FBXL18: variants seen among roughly 807,000 people sequenced by gnomAD.
FBXL18 encodes F-box/LRR-repeat protein 18.
FBXL18 carries 36 observed loss-of-function variants against 46.0 expected under a neutral mutation model. The ratio of observed to expected loss-of-function variants is 0.78; its 90% confidence interval spans 0.60 to 1.03. The LOEUF (loss-of-function observed/expected upper bound fraction) is 1.03, where lower values mean the gene tolerates loss of function less well. FBXL18 is among the 50% of genes least tolerant of loss of function. The pLI, the probability that FBXL18 is intolerant of heterozygous loss-of-function variation, is 0.00. For synonymous variants in FBXL18, 557 were observed against 465.3 expected (o/e 1.20, Z -2.54); for missense variants, 977 against 1,004.1 (o/e 0.97, Z 0.36).
chr7:5,495,713 G>A (rs1273954662), intron 3 of FBXL18: 12 of 401,154 alleles, frequency 3.0e-5, no homozygotes, highest in East Asian at 8.6e-5. Context: ...TCCCAGCGCC[G>A]TTTCCTCTGC....
rs769223134 is a variant in FBXL18 at position 5,501,527 on chromosome 7, G to C, written c.742C>G (p.Arg248Gly). The change falls in exon 3 of 5, where the codon CGG (arginine) becomes GGG (glycine). Residue 248 changes from arginine (R) to glycine (G), a missense_variant. Coordinates refer to ENST00000382368, the MANE Select transcript of FBXL18 (RefSeq NM_024963.6). ...APGYINQEVVRLYLAVLSDRT... is the reference protein window; with the variant it reads ...APGYINQEVVGLYLAVLSDRT... ...TCGCTAAGCACAGCCAGGTAGAGCC[G>C]CACCACCTCCTGGTTGATGTAGCCG... 1 of 1,613,710 alleles carries C rather than the reference G, an allele frequency of 6.2e-7. No individual in the cohort carries two copies. Among genetic ancestry groups the C allele is most frequent in the South Asian group, 1.1e-5 (1 of 91,084 alleles).
intron 1 of FBXL18, among the ~76,000 whole-genome samples, chr7:5,512,592 G>A (rs1478364426): frequency 6.6e-6 from 1 of 152,156 alleles, no homozygotes; most frequent in Non-Finnish European, 1.5e-5. Context: ...GCGACAGAGC[G>A]AGACTCTGTC....
chr7:5,479,054 C>T lies in FBXL18; in HGVS notation c.*2721G>A, dbSNP rs1003141147. Reference sequence around the variant, plus strand: ...AAATAGCACTTAGAGAAAATAAGCACGTTATTAACATCTGGTGAAGCCCAT... The same window carrying T: ...AAATAGCACTTAGAGAAAATAAGCATGTTATTAACATCTGGTGAAGCCCAT... On this transcript the variant is annotated 3_prime_UTR_variant, in exon 5 of 5. Transcript: ENST00000382368. 3 of 152,068 alleles carry T rather than the reference C, an allele frequency of 2.0e-5. No individual in the cohort carries two copies. The highest frequency in any genetic ancestry group is 6.6e-5 in the Admixed American group (1 of 15,248). The allele number at this position is 152,068 out of a possible 1,614,324, so 9.4% of individuals were successfully genotyped here. A position where few individuals can be genotyped will look rare whatever the true frequency, so the allele number is the denominator to read the frequency against.
At chr7:5,513,169 A>C (rs1007492248) in intron 1 of FBXL18, among the ~76,000 whole-genome samples, 1 of 152,084 alleles carries the variant, frequency 6.6e-6, no homozygotes, top group African/African-American at 2.4e-5. Context: ...GGTACGTCGT[A>C]AGTCCCTCAG....
intron 1 of FBXL18, among the ~76,000 whole-genome samples, chr7:5,510,601 A>G (rs1422049411): frequency 6.8e-6 from 1 of 147,424 alleles, no homozygotes; most frequent in East Asian, 2.1e-4. Flanking sequence ...TGGGAGGATC[A>G]CCTGAACCCG....
At chr7:5,500,398 G>A (rs2128237306) in intron 3 of FBXL18, 90 bp downstream of exon 3, 1 of 1,235,798 alleles carries the variant, frequency 8.1e-7, no homozygotes, top group Non-Finnish European at 1.1e-6. Flanking sequence ...ACTCCTGGAG[G>A]GCAGGCCAGC....
At chr7:5,490,060 G>T in intron 4 of FBXL18, 1 of 1,351,888 alleles carries the variant, frequency 7.4e-7, no homozygotes, top group Non-Finnish European at 9.9e-7. Context: ...GATTATTCCT[G>T]AGACAGCCAG....
At chr7:5,458,247 A>AC (rs368042673) in intron 4 of FBXL18, among the ~76,000 whole-genome samples, 108 of 151,230 alleles carry the variant, frequency 7.1e-4, no homozygotes, top group African/African-American at 2.6e-3. Flanking sequence ...CAATAAAACC[A>AC]CCCCCCAAGG....
At chr7:5,511,013 T>G (rs1455070278) in intron 1 of FBXL18, among the ~76,000 whole-genome samples, 2 of 152,244 alleles carry the variant, frequency 1.3e-5, no homozygotes, top group Non-Finnish European at 2.9e-5. Flanking sequence ...ATGTAACATT[T>G]CACAGTTTTT....
chr7:5,467,201 AT>A (rs958374033), intron 4 of FBXL18, among the ~76,000 whole-genome samples: 3 of 152,088 alleles, frequency 2.0e-5, no homozygotes, highest in Non-Finnish European at 2.9e-5. Flanking sequence ...AATACAAAAA[AT>A]TAGCCAGGCG....
chr7:5,455,384 G>A lies in FBXL18; in HGVS notation c.2001-7541C>T, dbSNP rs1451731378. Among the ~76,000 whole-genome samples, 2 of 152,028 alleles carry A rather than the reference G, an allele frequency of 1.3e-5. No individual in the cohort carries two copies. The highest frequency in any genetic ancestry group is 1.9e-4 in the East Asian group (1 of 5,192). On this transcript the variant is annotated intron_variant and NMD_transcript_variant, in intron 4 of 6. Coordinates refer to the FBXL18 transcript ENST00000415009. The surrounding 1 kb of genome is among the most constrained non-coding windows in gnomAD (Gnocchi z 4.6). ...GCCACATACTTGGGGAGCACCCTCA[G>A]GGAAGTACTCTAGGGAGTACTCTTG...
At chr7:5,509,080 C>G (rs1207682149) in intron 1 of FBXL18, among the ~76,000 whole-genome samples, 6 of 151,680 alleles carry the variant, frequency 4.0e-5, no homozygotes, top group Admixed American at 4.0e-4. Flanking sequence ...ATAGTCCCAG[C>G]TACTCAGGAG....
chr7:5,482,431 G>C (rs1376281886), intron 4 of FBXL18, among the ~76,000 whole-genome samples: 2 of 152,158 alleles, frequency 1.3e-5, no homozygotes, highest in Non-Finnish European at 2.9e-5. Flanking sequence ...GGGAGGAGCA[G>C]ATACCCAGGT....
At chr7:5,485,598 G>C (rs899410097) in intron 4 of FBXL18, among the ~76,000 whole-genome samples, 1 of 152,074 alleles carries the variant, frequency 6.6e-6, no homozygotes, top group African/African-American at 2.4e-5. Context: ...AAGATCACTT[G>C]AGTCCAGGAG....
rs373176504 is a variant in FBXL18 at position 5,501,371 on chromosome 7, A to G, written c.898T>C (p.Ser300Pro). ...VVLDALQLPK[S>P]WLNGSSLLQH... ...AGGAGGGAAGAGCCGTTCAGCCAGG[A>G]CTTGGGCAGCTGCAGGGCATCCAGC... The change falls in exon 3 of 5, where the codon TCC becomes CCC. Residue 300 changes from serine (S) to proline (P), a missense_variant. Transcript: ENST00000382368. 1.3e-5 allele frequency: 21 copies of G among 1,613,654 alleles called. No individual in the cohort carries two copies. The highest frequency in any genetic ancestry group is 1.8e-5 in the Non-Finnish European group (21 of 1,180,000).
chr7:5,478,081 T>C lies in FBXL18; in HGVS notation c.*3694A>G, dbSNP rs1443806012. On this transcript the variant is annotated 3_prime_UTR_variant, in exon 5 of 5. Transcript: ENST00000382368. ...CGCTGCTGAGCTGGCAGGCAACCCT[T>C]GTGTGTTTGCAGCGCAAGAGGAGCT... is the stretch of plus-strand genomic sequence containing the variant. The C allele has an allele frequency of 2.6e-5, 4 of 152,288 alleles. No homozygotes were observed. The highest frequency in any genetic ancestry group is 9.7e-5 in the African/African-American group (4 of 41,442). The allele number at this position is 152,288 out of a possible 1,614,324, so 9.4% of individuals were successfully genotyped here.
chr7:5,468,452 T>C (rs1160718913), intron 4 of FBXL18, among the ~76,000 whole-genome samples: 1 of 152,272 alleles, frequency 6.6e-6, no homozygotes, highest in South Asian at 2.1e-4. Flanking sequence ...GAACAAAGGC[T>C]GGAAAGACGT....
Position 5,481,634 on chromosome 7 carries a change from C to G in FBXL18, c.*141G>C, listed in dbSNP as rs947857845. On this transcript the variant is annotated 3_prime_UTR_variant, in exon 5 of 5. Coordinates refer to ENST00000382368, the MANE Select transcript of FBXL18 (RefSeq NM_024963.6). ...CCCCATGAGAGAGCCGTGGAGACGC[C>G]GGGAGCCCCAGGAGCCAGGTGGGGC... 22 of 844,484 alleles carry G rather than the reference C, an allele frequency of 2.6e-5. No individual in the cohort carries two copies. Among genetic ancestry groups the G allele is most frequent in the Middle Eastern group, 2.7e-4 (1 of 3,704 alleles). 52.3% of individuals were successfully genotyped at this position (844,484 alleles called of 1,614,324 possible). A position where few individuals can be genotyped will look rare whatever the true frequency, so the allele number is the denominator to read the frequency against.
At chr7:5,454,437 G>A (rs774602611) in intron 4 of FBXL18, among the ~76,000 whole-genome samples, 4 of 152,040 alleles carry the variant, frequency 2.6e-5, no homozygotes, top group Non-Finnish European at 4.4e-5. Context: ...CTCCTGCCTC[G>A]GCTGTTTTAT....
Sources: gnomAD v4.1 joint callset for allele counts (sites outside exome capture counted in the v4.1 genomes callset) on GRCh38, gnomAD v4.1.1 for gene constraint, Gnocchi (gnomAD v3.1) non-coding constraint, MANE v1.5 for transcripts, NCBI Gene and HGNC (gene_info 2026-07-23, HGNC 2026-07-21) for gene names.